The following NLGN1 variants were observed in gnomAD, a reference collection of about 807,000 sequenced individuals.
NLGN1 encodes neuroligin 1.
NLGN1 carries 12 observed loss-of-function variants against 65.5 expected under a neutral mutation model. The observed-to-expected ratio is 0.18, with a 90% CI of 0.12 to 0.30. NLGN1 has a LOEUF of 0.30. Ranked by LOEUF, NLGN1 falls within the 10% of genes least tolerant of loss-of-function variation. NLGN1 has a pLI of 1.00. For synonymous variants in NLGN1, 350 were observed against 359.5 expected (o/e 0.97, Z 0.30); for missense variants, 750 against 1,007.1 (o/e 0.74, Z 3.46).
chr3:174,157,528 G>A (rs1055945231), intron 4 of NLGN1, among the ~76,000 whole-genome samples: 6 of 151,348 alleles, frequency 4.0e-5, no homozygotes, highest in Non-Finnish European at 8.9e-5. Flanking sequence ...GATAGTTGAC[G>A]TAACCCCCCT....
intron 4 of NLGN1, among the ~76,000 whole-genome samples, chr3:173,926,708 T>A (rs1341909031): frequency 6.6e-6 from 1 of 152,220 alleles, no homozygotes; most frequent in East Asian, 1.9e-4. Flanking sequence ...GGCATCATGC[T>A]CCATGAAGGC....
intron 4 of NLGN1, among the ~76,000 whole-genome samples, chr3:173,987,751 A>G (rs1216140281): frequency 6.6e-6 from 1 of 152,200 alleles, no homozygotes; most frequent in Non-Finnish European, 1.5e-5. Context: ...TTTTAGTTGT[A>G]TTGAGAATAT....
At chr3:173,762,130 T>G (rs1778050607) in intron 3 of NLGN1, among the ~76,000 whole-genome samples, 1 of 152,024 alleles carries the variant, frequency 6.6e-6, no homozygotes, top group Non-Finnish European at 1.5e-5. Flanking sequence ...AAAGGTAGCT[T>G]GGATGGTTCT....
chr3:173,922,423 A>G (rs1243943267), intron 4 of NLGN1, among the ~76,000 whole-genome samples: 1 of 152,116 alleles, frequency 6.6e-6, no homozygotes, highest in Non-Finnish European at 1.5e-5. Context: ...ATATAGCTCA[A>G]ATTTTTAAAA....
At chr3:173,852,902 A>C (rs943038176) in intron 4 of NLGN1, among the ~76,000 whole-genome samples, 4 of 152,250 alleles carry the variant, frequency 2.6e-5, no homozygotes, top group Non-Finnish European at 5.9e-5. Flanking sequence ...CTTTTAGCTC[A>C]TCAGGCTGAT....
chr3:174,065,571 A>T (rs2152524823), intron 4 of NLGN1, among the ~76,000 whole-genome samples: 1 of 152,276 alleles, frequency 6.6e-6, no homozygotes, highest in South Asian at 2.1e-4. Context: ...TGCTTCGAAA[A>T]TACGTCTCAT....
At chr3:173,750,398 A>G (rs1038644) in intron 3 of NLGN1, among the ~76,000 whole-genome samples, 21,334 of 152,052 alleles carry the variant, frequency 0.14, 1,705 homozygotes, top group South Asian at 0.27. Context: ...TGGTGAGAGT[A>G]TGTCACTGAA....
chr3:174,243,750 T>C (rs1014445275), intron 4 of NLGN1, among the ~76,000 whole-genome samples: 4 of 152,180 alleles, frequency 2.6e-5, no homozygotes, highest in Non-Finnish European at 5.9e-5. Flanking sequence ...GACATTCTAT[T>C]TGAATAGTAT....
intron 4 of NLGN1, among the ~76,000 whole-genome samples, chr3:174,152,360 T>C (rs1201198623): frequency 2.0e-5 from 3 of 152,128 alleles, no homozygotes; most frequent in Non-Finnish European, 4.4e-5. Context: ...AAACAGATGT[T>C]CTTAATGTCA....
intron 2 of NLGN1, among the ~76,000 whole-genome samples, chr3:173,579,797 A>G (rs1983061): frequency 0.39 from 59,176 of 151,986 alleles, 12,844 homozygotes; most frequent in East Asian, 0.73. Flanking sequence ...CCCAATTGCC[A>G]TTCATTTAGA....
chr3:173,708,649 C>G (rs1768436578), intron 3 of NLGN1, among the ~76,000 whole-genome samples: 1 of 152,148 alleles, frequency 6.6e-6, no homozygotes, highest in South Asian at 2.1e-4. Context: ...TCCACTGGGC[C>G]CCCTAGAATC....
At chr3:173,972,887 G>T (rs1192135708) in intron 4 of NLGN1, among the ~76,000 whole-genome samples, 4 of 152,036 alleles carry the variant, frequency 2.6e-5, no homozygotes, top group Non-Finnish European at 5.9e-5. Context: ...AACTCTAGGG[G>T]TGGAGCCCAA....
intron 4 of NLGN1, among the ~76,000 whole-genome samples, chr3:174,003,701 A>G (rs935365013): frequency 3.9e-5 from 6 of 152,178 alleles, no homozygotes; most frequent in African/African-American, 1.2e-4. Flanking sequence ...AGAAAGATGG[A>G]AAATTAGACT....
At chr3:173,593,886 G>A (rs1179050594) in intron 2 of NLGN1, among the ~76,000 whole-genome samples, 1 of 152,188 alleles carries the variant, frequency 6.6e-6, no homozygotes, top group Non-Finnish European at 1.5e-5. Context: ...AGATGCAAAA[G>A]CAGAAACTCC....
intron 3 of NLGN1, among the ~76,000 whole-genome samples, chr3:173,792,698 G>C (rs1163012713): frequency 1.3e-5 from 2 of 152,094 alleles, no homozygotes; most frequent in African/African-American, 2.4e-5. Context: ...GATAGTAAGA[G>C]GGTCTTATGG....
intron 1 of NLGN1, chr3:173,399,912 T>C (rs1036816398): frequency 5.3e-5 from 8 of 152,240 alleles, no homozygotes; most frequent in African/African-American, 1.9e-4. Flanking sequence ...TTGAGTGACG[T>C]ATCTCTCTGG....
At chr3:173,829,131 C>T (rs1721953878) in intron 4 of NLGN1, among the ~76,000 whole-genome samples, 3 of 152,044 alleles carry the variant, frequency 2.0e-5, no homozygotes, top group South Asian at 2.1e-4. Context: ...GGATGGTGAG[C>T]GTGGAAGCAG....
chr3:173,789,171 C>A (rs1712036234), intron 3 of NLGN1, among the ~76,000 whole-genome samples: 1 of 150,564 alleles, frequency 6.6e-6, no homozygotes, highest in Admixed American at 6.6e-5. Context: ...TGCACTCTAG[C>A]CTGGATGACA....
intron 2 of NLGN1, among the ~76,000 whole-genome samples, chr3:173,576,149 A>G (rs933333283): frequency 6.6e-6 from 1 of 152,128 alleles, no homozygotes; most frequent in African/African-American, 2.4e-5. Context: ...ATATTTTGAC[A>G]TATTGGGCTA....
Sources: allele counts gnomAD v4.1 joint callset (sites outside exome capture counted in the v4.1 genomes callset), GRCh38; gene constraint gnomAD v4.1.1; transcripts MANE v1.5; gene names NCBI Gene and HGNC (gene_info 2026-07-23, HGNC 2026-07-21).